Variants in ACO2 observed in about 807,000 individuals in gnomAD.
ACO2 encodes aconitase 2.
In ACO2, 31 loss-of-function variants were observed where a neutral mutation model predicts 84.5. The observed-to-expected ratio is 0.37, with a 90% CI of 0.28 to 0.50. The LOEUF is 0.50. Ranked by LOEUF, ACO2 falls within the 20% of genes least tolerant of loss-of-function variation. The pLI is 0.97. For synonymous variants in ACO2, 414 were observed against 412.7 expected (o/e 1.00, Z -0.04); for missense variants, 685 against 1,029.3 (o/e 0.67, Z 4.58).
At chr22:41,481,362 C>T (rs576685503) in intron 1 of ACO2, among the ~76,000 whole-genome samples, 1 of 152,268 alleles carries the variant, frequency 6.6e-6, no homozygotes, top group African/African-American at 2.4e-5. Flanking sequence ...TGGCCTCTCC[C>T]GGACCCTGGC....
intron 1 of ACO2, among the ~76,000 whole-genome samples, chr22:41,470,729 G>A (rs1330332888): frequency 6.6e-6 from 1 of 151,858 alleles, no homozygotes; most frequent in African/African-American, 2.4e-5. Flanking sequence ...TTTTAGTAGA[G>A]ACGGGGTTTC....
chr22:41,525,477 T>A (rs1683348801), intron 14 of ACO2, 129 bp downstream of exon 14: 2 of 1,210,662 alleles, frequency 1.7e-6, no homozygotes, highest in African/African-American at 1.5e-5. Context: ...GGAAGGGAGG[T>A]TTGGCTGCAG....
At chr22:41,511,854 A>G (rs1209966374) in intron 3 of ACO2, 22 bp from the exon 4 acceptor site, 1 of 1,576,978 alleles carries the variant, frequency 6.3e-7, no homozygotes, top group Non-Finnish European at 8.6e-7. Flanking sequence ...GCTAACGCCC[A>G]ATTATTGATT....
intron 9 of ACO2, chr22:41,521,648 C>T (rs1251531921): frequency 5.9e-5 from 9 of 152,156 alleles, no homozygotes; most frequent in African/African-American, 9.6e-5. Context: ...ATAATGTGTT[C>T]GCCCTTATTC....
chr22:41,524,911 C>T lies in ACO2; in HGVS notation c.1548C>T (p.Gly516=), dbSNP rs1426359166. ...ACCCAGAGACCGACTACCTGACGGGCACGGATGGCAAGAAGTTCAGGCTGG... is the reference window on the plus strand; with the variant it reads ...ACCCAGAGACCGACTACCTGACGGGTACGGATGGCAAGAAGTTCAGGCTGG... ...KFNPETDYLT[G]TDGKKFRLEA... Residue 516 remains glycine, a synonymous_variant, in exon 13 of 18, where the codon GGC becomes GGT. Transcript: ENST00000216254. 1.9e-6 allele frequency: 3 copies of T among 1,614,084 alleles called. No homozygotes were observed. The highest frequency in any genetic ancestry group is 2.2e-5 in the East Asian group (1 of 44,902).
chr22:41,503,755 G>A (rs1256088077), intron 2 of ACO2, among the ~76,000 whole-genome samples: 1 of 152,082 alleles, frequency 6.6e-6, no homozygotes, highest in Non-Finnish European at 1.5e-5. Context: ...GCTGGGGTTG[G>A]GGCTTACTGT....
chr22:41,484,808 A>G (rs1328478062), intron 1 of ACO2, among the ~76,000 whole-genome samples: 1 of 151,410 alleles, frequency 6.6e-6, no homozygotes, highest in African/African-American at 2.4e-5. Context: ...AAGTGAGGAA[A>G]TTGGGGTGAA....
chr22:41,489,804 C>G (rs990674743), intron 1 of ACO2, among the ~76,000 whole-genome samples: 2 of 151,594 alleles, frequency 1.3e-5, no homozygotes, highest in Non-Finnish European at 2.9e-5. Context: ...TGTAAAGGTA[C>G]ATTTTTTTTT....
chr22:41,502,442 G>A (rs553484418), intron 2 of ACO2, among the ~76,000 whole-genome samples: 12 of 152,266 alleles, frequency 7.9e-5, no homozygotes, highest in East Asian at 3.9e-4. Context: ...CAGTCAGGAC[G>A]AAGAACCACT....
intron 10 of ACO2, 70 bp from the exon 11 acceptor site, chr22:41,523,135 C>T: frequency 6.5e-7 from 1 of 1,537,504 alleles, no homozygotes. Flanking sequence ...CGTCCTGCAG[C>T]CACCACATCA....
At chr22:41,524,700 C>A in intron 12 of ACO2, 146 bp from the exon 13 acceptor site, 1 of 1,302,932 alleles carries the variant, frequency 7.7e-7, no homozygotes, top group Non-Finnish European at 1.1e-6. Context: ...CGTCCTGCAG[C>A]TCTGGCCTCT....
At chr22:41,495,749 T>C (rs2066308678) in intron 1 of ACO2, among the ~76,000 whole-genome samples, 1 of 151,246 alleles carries the variant, frequency 6.6e-6, no homozygotes, top group African/African-American at 2.4e-5. Context: ...GCCTCCCGAG[T>C]AGCTGGGGCT....
intron 16 of ACO2, 33 bp from the exon 17 acceptor site, chr22:41,527,868 G>GC (rs2066636262): frequency 6.2e-7 from 1 of 1,614,030 alleles, no homozygotes; most frequent in Non-Finnish European, 8.5e-7. Flanking sequence ...GGCTAGTCAG[G>GC]CCCCCGATGA....
intron 9 of ACO2, 89 bp from the exon 10 acceptor site, chr22:41,522,741 T>A: frequency 6.8e-7 from 1 of 1,470,724 alleles, no homozygotes; most frequent in Non-Finnish European, 9.2e-7. Context: ...TGAACTCTTT[T>A]GGCCAAGTCT....
chr22:41,491,690 A>G (rs2044759205), intron 1 of ACO2, among the ~76,000 whole-genome samples: 1 of 152,256 alleles, frequency 6.6e-6, no homozygotes, highest in Non-Finnish European at 1.5e-5. Flanking sequence ...GGAGGAAACA[A>G]TATAGTATAA....
chr22:41,519,669 G>A lies in ACO2; in HGVS notation c.1033-502G>A, dbSNP rs939568047. Among the ~76,000 whole-genome samples the A allele has an allele frequency of 1.2e-3, 186 of 152,188 alleles. 1 individual carries two copies. The highest frequency in any genetic ancestry group is 4.1e-3 in the African/African-American group (169 of 41,520). On this transcript the variant is annotated intron_variant, in intron 8 of 17. Coordinates refer to ENST00000216254, the MANE Select transcript of ACO2 (RefSeq NM_001098.3). The stretch of plus-strand genomic sequence containing the variant: ...AAAAATACAAAAAAATTAGCCAGAC[G>A]TGGTGGCGGGCGCCTGTAGTCCCAG...
intron 1 of ACO2, among the ~76,000 whole-genome samples, chr22:41,481,208 A>G (rs987212861): frequency 3.9e-5 from 6 of 152,202 alleles, no homozygotes; most frequent in African/African-American, 1.4e-4. Flanking sequence ...AGGGAAGCTG[A>G]GATTCCAAGC....
intron 9 of ACO2, among the ~76,000 whole-genome samples, 180 bp from the exon 10 acceptor site, chr22:41,522,650 T>A (rs899092743): frequency 1.3e-4 from 14 of 104,708 alleles, no homozygotes; most frequent in Non-Finnish European, 2.5e-4. Flanking sequence ...ACGTCATGAG[T>A]TAGCCTGTCC....
At chr22:41,500,306 ATTTTATTTT>A (rs1314875497) in intron 2 of ACO2, among the ~76,000 whole-genome samples, 2 of 147,424 alleles carry the variant, frequency 1.4e-5, no homozygotes, top group African/African-American at 4.9e-5. Flanking sequence ...ATTTAATTTT[ATTTTATTTT>A]ATTTTATTTT....
Sources: gnomAD v4.1 joint callset for allele counts (sites outside exome capture counted in the v4.1 genomes callset) on GRCh38, gnomAD v4.1.1 for gene constraint, MANE v1.5 for transcripts, NCBI Gene and HGNC (gene_info 2026-07-23, HGNC 2026-07-21) for gene names.